GALNT2: variants seen among roughly 807,000 people sequenced by gnomAD.
The protein encoded by GALNT2 is polypeptide N-acetylgalactosaminyltransferase 2.
In GALNT2, 31 loss-of-function variants were observed where a neutral mutation model predicts 81.4. That is an observed-to-expected ratio of 0.38 (90% CI 0.29 to 0.51). GALNT2 has a LOEUF of 0.51. GALNT2 is among the 20% of genes least tolerant of loss of function. The pLI, the probability that GALNT2 is intolerant of heterozygous loss-of-function variation, is 0.87. For missense variants in GALNT2, 629 were observed against 765.7 expected (o/e 0.82, Z 2.11); for synonymous variants, 303 against 287.4 (o/e 1.05, Z -0.55).
chr1:230,093,917 C>T (rs1660167492), intron 1 of GALNT2, among the ~76,000 whole-genome samples: 1 of 152,208 alleles, frequency 6.6e-6, no homozygotes, highest in Non-Finnish European at 1.5e-5. Flanking sequence ...GTATCCCTGT[C>T]ATTAAGCAAC....
intron 1 of GALNT2, among the ~76,000 whole-genome samples, chr1:230,072,127 G>C (rs1659394640): frequency 6.6e-6 from 1 of 151,938 alleles, no homozygotes; most frequent in Non-Finnish European, 1.5e-5. Flanking sequence ...TTGGTCTCCT[G>C]TTTGGAACAG....
chr1:230,232,898 G>A (rs1206200627), intron 3 of GALNT2, among the ~76,000 whole-genome samples: 1 of 152,050 alleles, frequency 6.6e-6, no homozygotes, highest in Non-Finnish European at 1.5e-5. Flanking sequence ...CCAGACAACC[G>A]TGAACAGTTT....
chr1:230,187,487 C>T (rs990974933), intron 2 of GALNT2, among the ~76,000 whole-genome samples: 1 of 147,444 alleles, frequency 6.8e-6, no homozygotes, highest in Non-Finnish European at 1.5e-5. Context: ...TGTGCAGCCC[C>T]CCGGCAGCAT....
intron 14 of GALNT2, among the ~76,000 whole-genome samples, chr1:230,273,244 C>G (rs1274712325): frequency 6.6e-6 from 1 of 152,166 alleles, no homozygotes; most frequent in African/African-American, 2.4e-5. Context: ...CCTGAAGTTG[C>G]AGAATACATT....
intron 15 of GALNT2, among the ~76,000 whole-genome samples, chr1:230,278,246 G>A (rs1169572520): frequency 6.6e-6 from 1 of 151,448 alleles, no homozygotes; most frequent in Non-Finnish European, 1.5e-5. Context: ...AGCCTGCAAG[G>A]AGCTAGGACA....
chr1:230,143,952 A>G (rs1003960540), intron 1 of GALNT2, among the ~76,000 whole-genome samples: 2 of 152,232 alleles, frequency 1.3e-5, no homozygotes, highest in African/African-American at 2.4e-5. Context: ...AATTCTAATC[A>G]CTTTCAAAAT....
intron 1 of GALNT2, among the ~76,000 whole-genome samples, chr1:230,155,230 T>C (rs1383649880): frequency 1.3e-5 from 2 of 152,170 alleles, no homozygotes; most frequent in Non-Finnish European, 2.9e-5. Flanking sequence ...CAGTCACCGT[T>C]TGGGGCCTGC....
chr1:230,215,286 A>G (rs1664355055), intron 3 of GALNT2, among the ~76,000 whole-genome samples: 1 of 152,196 alleles, frequency 6.6e-6, no homozygotes, highest in Non-Finnish European at 1.5e-5. Flanking sequence ...CTGCACCTAC[A>G]AGACCATCGC....
intron 2 of GALNT2, among the ~76,000 whole-genome samples, chr1:230,195,019 G>A (rs1427913491): frequency 1.3e-5 from 2 of 152,224 alleles, no homozygotes; most frequent in Admixed American, 6.5e-5. Context: ...GTCCAGACTT[G>A]ATCTCCAAAC....
chr1:230,263,519 G>A (rs549107763), intron 13 of GALNT2: 66 of 154,352 alleles, frequency 4.3e-4, no homozygotes, highest in African/African-American at 1.4e-3. Flanking sequence ...CATGTGAAAC[G>A]GAAGTAATAA....
intron 1 of GALNT2, among the ~76,000 whole-genome samples, chr1:230,158,111 T>C (rs12122834): frequency 0.2 from 29,769 of 152,136 alleles, 3,687 homozygotes; most frequent in Non-Finnish European, 0.27. Flanking sequence ...TAGGATGAAC[T>C]GTGACTCCAG....
intron 2 of GALNT2, 81 bp downstream of exon 2, chr1:230,178,392 T>G: frequency 9.4e-7 from 1 of 1,064,998 alleles, no homozygotes; most frequent in South Asian, 1.5e-5. Context: ...GAGCAGGTGG[T>G]CTGTGGGGAG....
At position 230,209,117 on chromosome 1, in the gene GALNT2, C is replaced by G. The variant is rs117566251; in HGVS notation, c.374+5827C>G. ...TCTGAGTCATACCTGCCTTCTCCAT[C>G]AGCCAGCCCTCAAAAGCAGGTTGAA... is the stretch of plus-strand genomic sequence containing the variant. On this transcript the variant is annotated intron_variant, in intron 3 of 15. Coordinates refer to ENST00000366672, the MANE Select transcript of GALNT2 (RefSeq NM_004481.5). Among the ~76,000 whole-genome samples the G allele has an allele frequency of 6.5e-4, 99 of 152,082 alleles. 2 individuals are homozygous for G. In the East Asian group the frequency reaches 0.017, roughly 27 times the overall value.
Position 230,281,616 on chromosome 1 carries a change from C to T in GALNT2, c.*2158C>T, listed in dbSNP as rs939737272. 1 of 152,722 alleles carries T rather than the reference C, an allele frequency of 6.5e-6. No individual in the cohort carries two copies. Among genetic ancestry groups the T allele is most frequent in the Non-Finnish European group, 1.5e-5 (1 of 68,100 alleles). 9.5% of individuals were successfully genotyped at this position (152,722 alleles called of 1,614,324 possible). A position where few individuals can be genotyped will look rare whatever the true frequency, so the allele number is the denominator to read the frequency against. On this transcript the variant is annotated 3_prime_UTR_variant, in exon 16 of 16. Transcript: ENST00000366672. Reference sequence around the variant, plus strand: ...CGCACCCCTAGGCCCTCTCAGCCTTCCTATCATCCCACGTGTCTACCCAGA... The same window carrying T: ...CGCACCCCTAGGCCCTCTCAGCCTTTCTATCATCCCACGTGTCTACCCAGA...
intron 2 of GALNT2, among the ~76,000 whole-genome samples, chr1:230,202,834 T>C (rs1416473729): frequency 6.6e-6 from 1 of 152,228 alleles, no homozygotes; most frequent in Non-Finnish European, 1.5e-5. Flanking sequence ...TCTCCTTTTA[T>C]AGAAAACATG....
intron 1 of GALNT2, among the ~76,000 whole-genome samples, chr1:230,122,097 T>G (rs1165630881): frequency 6.6e-6 from 1 of 152,066 alleles, no homozygotes; most frequent in Non-Finnish European, 1.5e-5. Flanking sequence ...CCCTTCCTCC[T>G]GAGCGGTGCT....
chr1:230,146,004 C>T (rs1661904841), intron 1 of GALNT2, among the ~76,000 whole-genome samples: 1 of 152,192 alleles, frequency 6.6e-6, no homozygotes, highest in Non-Finnish European at 1.5e-5. Flanking sequence ...GGACCTGCTT[C>T]TGGTGTTCCT....
intron 1 of GALNT2, among the ~76,000 whole-genome samples, chr1:230,093,054 C>G (rs1660142389): frequency 1.3e-5 from 2 of 152,176 alleles, no homozygotes; most frequent in South Asian, 4.1e-4. Context: ...ACCCAAAGTG[C>G]TGGCCGATTG....
In GALNT2 at chr1:230,067,245, A is replaced by C; in HGVS notation, c.-36A>C. 8.0e-7 allele frequency: 1 copy of C among 1,244,966 alleles called. No homozygotes were observed. Among genetic ancestry groups the C allele is most frequent in the Non-Finnish European group, 1.0e-6 (1 of 986,286 alleles). 77.1% of individuals were successfully genotyped at this position (1,244,966 alleles called of 1,614,324 possible). ...GCGGCCGGCCCAGGCAGCACTCGCG[A>C]GCAGCGGCGGCCCCGCCGGCGGCCG... On this transcript the variant is annotated 5_prime_UTR_variant, in exon 1 of 16. Coordinates refer to ENST00000366672, the MANE Select transcript of GALNT2 (RefSeq NM_004481.5).
Sources: gnomAD v4.1 joint callset for allele counts (sites outside exome capture counted in the v4.1 genomes callset) on GRCh38, gnomAD v4.1.1 for gene constraint, MANE v1.5 for transcripts, NCBI Gene and HGNC (gene_info 2026-07-23, HGNC 2026-07-21) for gene names.